The following PPP1R13L variants were observed in gnomAD, a reference collection of about 807,000 sequenced individuals.
The protein encoded by PPP1R13L is protein phosphatase 1 regulatory subunit 13 like.
In PPP1R13L, 50 loss-of-function variants were observed where a neutral mutation model predicts 80.9. The ratio of observed to expected loss-of-function variants is 0.62; its 90% CI spans 0.49 to 0.78. PPP1R13L has a LOEUF of 0.78. Ranked by LOEUF, PPP1R13L falls within the 30% of genes least tolerant of loss-of-function variation. PPP1R13L has a pLI of 0.00. For missense variants in PPP1R13L, 1,200 were observed against 1,205.9 expected (o/e 1.00, Z 0.07); for synonymous variants, 602 against 534.3 (o/e 1.13, Z -1.75).
chr19:45,398,084 T>C lies in PPP1R13L; in HGVS notation c.119A>G (p.Asp40Gly). ...CGACTCCAGCTGCTTGGTCAGTTCA[T>C]CCACCTTGGCCGCCGCCGTGTCCAG... is the stretch of plus-strand genomic sequence containing the variant. ...MELDTAAAKV[D>G]ELTKQLESLW... The change falls in exon 3 of 13, where the codon GAT (aspartate) becomes GGT (glycine). Residue 40 changes from aspartate (D) to glycine (G), a missense_variant. Around this residue, in one of 5 missense-constraint regions of PPP1R13L, gnomAD observed 764 missense variants for 714.5 expected, o/e 1.07. Transcript: ENST00000360957. 2 of 1,614,188 alleles carry C rather than the reference T, an allele frequency of 1.2e-6. No individual in the cohort carries two copies. Among genetic ancestry groups the C allele is most frequent in the Non-Finnish European group, 1.7e-6 (2 of 1,180,038 alleles).
chr19:45,382,655 C>T lies in PPP1R13L; in HGVS notation c.2320G>A (p.Gly774Arg), dbSNP rs745772568. The T allele has an allele frequency of 5.6e-6, 9 of 1,613,858 alleles. No homozygotes were observed. The highest frequency in any genetic ancestry group is 2.2e-5 in the East Asian group (1 of 44,896). The part of the protein sequence containing the change: ...YALWDYSAEF[G>R]DELSFREGES... ...CCCTCGCGGAAGGACAGCTCGTCCCCGAACTCGGCGCTGTAGTCCCAGAGA... is the reference window on the plus strand; with the variant it reads ...CCCTCGCGGAAGGACAGCTCGTCCCTGAACTCGGCGCTGTAGTCCCAGAGA... The change falls in exon 12 of 13, where the codon GGG becomes AGG. Residue 774 changes from glycine to arginine, a missense_variant. Physicochemically the swap from Gly to Arg is moderately radical, Grantham distance 125. Around this residue, in one of 5 missense-constraint regions of PPP1R13L, gnomAD observed 165 missense variants for 177.1 expected, o/e 0.93. Transcript: ENST00000360957.
At chr19:45,380,326 G>GGGT in intron 12 of PPP1R13L, 98 bp from the exon 13 acceptor site, 1 of 1,456,130 alleles carries the variant, frequency 6.9e-7, no homozygotes, top group Non-Finnish European at 9.6e-7. Flanking sequence ...CCTTCCTAAG[G>GGGT]GGACCTCTCA....
At chr19:45,404,520 C>T (rs1973291437) in intron 1 of PPP1R13L, among the ~76,000 whole-genome samples, 2 of 152,152 alleles carry the variant, frequency 1.3e-5, no homozygotes, top group Non-Finnish European at 2.9e-5. Context: ...GGGTACCTGT[C>T]CTGCTCCACT....
At position 45,398,327 on chromosome 19, in the gene PPP1R13L, C is replaced by T; in HGVS notation, c.-9G>A. The T allele has an allele frequency of 6.2e-7, 1 of 1,613,384 alleles. No homozygotes were observed. The highest frequency in any genetic ancestry group is 8.5e-7 in the Non-Finnish European group (1 of 1,179,894). On this transcript the variant is annotated 5_prime_UTR_variant, in exon 2 of 13. Transcript: ENST00000360957. ...AATGCCTCGCTGTCCATGGTGCCGG[C>T]CGGAGCGGGCGCCTGCATGGTGGGG...
rs776855789 is a variant in PPP1R13L at position 45,385,814 on chromosome 19, C to T, written c.2081+10G>A. The T allele has an allele frequency of 1.3e-5, 21 of 1,609,066 alleles. No homozygotes were observed. The South Asian group carries it at 2.2e-4, about 17-fold the overall frequency. The stretch of plus-strand genomic sequence containing the variant: ...GGGGGACCCAGCCCACCGCGCGGGT[C>T]GGGGCTCACCAGCCGTGGCTGTCGG... On this transcript the variant is annotated intron_variant, in intron 10 of 12. Coordinates refer to ENST00000360957, the MANE Select transcript of PPP1R13L (RefSeq NM_006663.4).
At chr19:45,383,443 C>T (rs1026947632) in intron 11 of PPP1R13L, among the ~76,000 whole-genome samples, 1 of 151,516 alleles carries the variant, frequency 6.6e-6, no homozygotes, top group Non-Finnish European at 1.5e-5. Context: ...TACAGGTGTG[C>T]GCCACCATGC....
At position 45,396,095 on chromosome 19, in the gene PPP1R13L, G is replaced by T; in HGVS notation, c.903+73C>A. On this transcript the variant is annotated intron_variant, in intron 6 of 12. Coordinates refer to ENST00000360957, the MANE Select transcript of PPP1R13L (RefSeq NM_006663.4). This position sits in a 1 kb window ranked among gnomAD's most constrained non-coding sequence, Gnocchi z 5.3. ...AGATCGCAGCCCCGAGGGGGAGACT[G>T]GCCTTGACCCCGCTCCCCCACCCCA... 1 of 1,496,948 alleles carries T rather than the reference G, an allele frequency of 6.7e-7. No individual in the cohort carries two copies. Among genetic ancestry groups the T allele is most frequent in the Non-Finnish European group, 9.0e-7 (1 of 1,109,350 alleles). The allele number at this position is 1,496,948 out of a possible 1,614,324, so 92.7% of individuals were successfully genotyped here. A position where few individuals can be genotyped will look rare whatever the true frequency, so the allele number is the denominator to read the frequency against.
chr19:45,380,431 A>G (rs922950607), intron 12 of PPP1R13L, among the ~76,000 whole-genome samples: 2 of 152,096 alleles, frequency 1.3e-5, no homozygotes, highest in African/African-American at 2.4e-5. Context: ...GAAATGGAAT[A>G]TTTCCAGTGT....
At position 45,404,377 on chromosome 19, in the gene PPP1R13L, A is replaced by G. The variant is rs1973287707; in HGVS notation, c.-22+622T>C. On this transcript the variant is annotated intron_variant, in intron 1 of 12. Transcript: ENST00000360957. ...GTTAGGCAGGTCTGACGCCCAGGTT[A>G]ATGACATGTTGGGTTCGCTCAGCGG... Among the ~76,000 whole-genome samples the G allele has an allele frequency of 2.6e-5, 4 of 152,042 alleles. No homozygotes were observed. In the South Asian group the frequency reaches 8.3e-4, roughly 31 times the overall value.
chr19:45,387,201 G>C (rs966660192), intron 8 of PPP1R13L, among the ~76,000 whole-genome samples: 28 of 152,086 alleles, frequency 1.8e-4, no homozygotes, highest in African/African-American at 6.7e-4. Context: ...GGAAGAGAAG[G>C]AGGCTTCAGT....
Position 45,385,958 on chromosome 19 carries a change from C to G in PPP1R13L, c.1948-1G>C, listed in dbSNP as rs1972859599. On this transcript the variant is annotated splice_acceptor_variant, in intron 9 of 12. Coordinates refer to ENST00000360957, the MANE Select transcript of PPP1R13L (RefSeq NM_006663.4). LOFTEE classifies it high-confidence loss of function. Reference sequence around the variant, plus strand: ...CGTTGGGCTGGCTCGGGTCGTTCATCTGAGTGCACCGGGGGAGGGGGAAGA... The same window carrying G: ...CGTTGGGCTGGCTCGGGTCGTTCATGTGAGTGCACCGGGGGAGGGGGAAGA... 2 of 1,609,778 alleles carry G rather than the reference C, an allele frequency of 1.2e-6. No individual in the cohort carries two copies. The highest frequency in any genetic ancestry group is 8.5e-7 in the Non-Finnish European group (1 of 1,178,690).
Position 45,392,256 on chromosome 19 carries a change from T to G in PPP1R13L, c.1439A>C (p.Asp480Ala). The G allele has an allele frequency of 6.2e-7, 1 of 1,613,396 alleles. No homozygotes were observed. The highest frequency in any genetic ancestry group is 8.5e-7 in the Non-Finnish European group (1 of 1,179,942). The change falls in exon 8 of 13, where the codon GAT becomes GCT. Residue 480 changes from aspartate to alanine, a missense_variant. Around this residue, in one of 5 missense-constraint regions of PPP1R13L, gnomAD observed 764 missense variants for 714.5 expected, o/e 1.07. Coordinates refer to ENST00000360957, the MANE Select transcript of PPP1R13L (RefSeq NM_006663.4). ...LTPVLEAGDV[D>A]EGPVARPLSP... ...GAGAGGCCTTGCTACAGGGCCTTCA[T>G]CCACATCGCCAGCCTCCAGCACTGG... is the stretch of plus-strand genomic sequence containing the variant.
intron 11 of PPP1R13L, 23 bp from the exon 12 acceptor site, chr19:45,382,749 A>G: frequency 2.5e-6 from 4 of 1,612,862 alleles, no homozygotes; most frequent in Non-Finnish European, 2.5e-6. Flanking sequence ...ACGGAGGGGA[A>G]GGTGAGAGCC....
Position 45,396,691 on chromosome 19 carries a change from A to C in PPP1R13L, c.566T>G (p.Leu189Arg). 1 of 1,417,702 alleles carries C rather than the reference A, an allele frequency of 7.1e-7. No homozygotes were observed. The highest frequency in any genetic ancestry group is 9.1e-7 in the Non-Finnish European group (1 of 1,096,142). The allele number at this position is 1,417,702 out of a possible 1,614,324, so 87.8% of individuals were successfully genotyped here. A position where few individuals can be genotyped will look rare whatever the true frequency, so the allele number is the denominator to read the frequency against. ...GAAGAAGGCCTGGGGCCCCTCCGCC[A>C]GGGGGCTGCCGCGGGGGGAGCCTGC... is the stretch of plus-strand genomic sequence containing the variant. ...GRAGSPRGSP[L>R]AEGPQAFFPE... Residue 189 changes from leucine (L) to arginine (R), a missense_variant, in exon 4 of 13, where the codon CTG becomes CGG. This residue lies in a region of PPP1R13L where 764 missense variants were observed against 714.5 expected (regional missense o/e 1.07). Transcript: ENST00000360957. The surrounding 1 kb of genome is among the most constrained non-coding windows in gnomAD (Gnocchi z 5.3).
chr19:45,380,569 G>A (rs1200278605), intron 12 of PPP1R13L, among the ~76,000 whole-genome samples: 2 of 152,152 alleles, frequency 1.3e-5, no homozygotes, highest in Non-Finnish European at 2.9e-5. Context: ...TATAATCCCA[G>A]CAGTTTGGGA....
At chr19:45,395,408 T>A in intron 7 of PPP1R13L, 28 bp downstream of exon 7, 1 of 1,533,966 alleles carries the variant, frequency 6.5e-7, no homozygotes. Flanking sequence ...CTTCACCCAG[T>A]CCTCTAGGGC....
chr19:45,390,879 C>G (rs1599768283), intron 8 of PPP1R13L, among the ~76,000 whole-genome samples: 1 of 152,100 alleles, frequency 6.6e-6, no homozygotes, highest in Non-Finnish European at 1.5e-5. Flanking sequence ...CCACCGCGCC[C>G]GGCCGAGACT....
intron 1 of PPP1R13L, 112 bp from the exon 2 acceptor site, chr19:45,398,451 C>G (rs1973161463): frequency 9.5e-7 from 1 of 1,053,766 alleles, no homozygotes. Context: ...GTTCCTTCCC[C>G]TGGAAGCCCT....
At chr19:45,401,354 CAAAA>C (rs34884152) in intron 1 of PPP1R13L, among the ~76,000 whole-genome samples, 4,038 of 116,402 alleles carry the variant, frequency 0.035, 60 homozygotes, top group Non-Finnish European at 0.052. Flanking sequence ...GACTCCGTCC[CAAAA>C]AAAAAAAAAA....
Sources: gnomAD v4.1 joint callset for allele counts (sites outside exome capture counted in the v4.1 genomes callset) on GRCh38, gnomAD v4.1.1 for gene constraint, gnomAD v4.1.1 regional missense constraint, Gnocchi (gnomAD v3.1) non-coding constraint, MANE v1.5 for transcripts, NCBI Gene and HGNC (gene_info 2026-07-23, HGNC 2026-07-21) for gene names.